The following KIAA0753 variants were observed in gnomAD, a reference collection of about 807,000 sequenced individuals.
KIAA0753 encodes KIAA0753.
KIAA0753 carries 114 observed loss-of-function variants against 116.9 expected under a neutral mutation model. The observed-to-expected ratio is 0.98, with a 90% CI of 0.84 to 1.14. KIAA0753 has a LOEUF of 1.14. KIAA0753 is among the 50% of genes most tolerant of loss of function. KIAA0753 has a pLI of 0.00. For missense variants in KIAA0753, 1,156 were observed against 1,172.4 expected (o/e 0.99, Z 0.20); for synonymous variants, 405 against 413.1 (o/e 0.98, Z 0.24).
intron 12 of KIAA0753, among the ~76,000 whole-genome samples, chr17:6,605,894 C>T (rs1021527852): frequency 2.0e-5 from 3 of 152,100 alleles, no homozygotes; most frequent in African/African-American, 7.2e-5. Flanking sequence ...AGTAAAAACA[C>T]ACAGAGGAAT....
intron 3 of KIAA0753, among the ~76,000 whole-genome samples, chr17:6,625,176 G>A (rs1241573769): frequency 3.3e-5 from 5 of 152,136 alleles, no homozygotes; most frequent in Admixed American, 2.0e-4. Context: ...CTTATATTGA[G>A]CCAAAATCTG....
intron 2 of KIAA0753, among the ~76,000 whole-genome samples, chr17:6,631,661 T>C (rs1033111675): frequency 1.3e-5 from 2 of 152,198 alleles, no homozygotes; most frequent in Non-Finnish European, 2.9e-5. Flanking sequence ...TGTGCATTTA[T>C]GAATGTGTGT....
At chr17:6,589,266 T>A (rs1968811839) in intron 18 of KIAA0753, among the ~76,000 whole-genome samples, 1 of 152,172 alleles carries the variant, frequency 6.6e-6, no homozygotes, top group African/African-American at 2.4e-5. Flanking sequence ...GAGACCACAG[T>A]TCCCTTTCTC....
intron 9 of KIAA0753, among the ~76,000 whole-genome samples, chr17:6,609,168 C>T (rs1970378767): frequency 6.6e-6 from 1 of 152,176 alleles, no homozygotes; most frequent in Non-Finnish European, 1.5e-5. Flanking sequence ...TAGGGGGCTT[C>T]TCTTCCACCA....
At chr17:6,597,714 T>C (rs1054383576) in intron 14 of KIAA0753, among the ~76,000 whole-genome samples, 1 of 152,164 alleles carries the variant, frequency 6.6e-6, no homozygotes, top group African/African-American at 2.4e-5. Context: ...TACAAGAGCT[T>C]TTTCCTGATA....
chr17:6,633,723 C>T (rs1350398214), intron 2 of KIAA0753, among the ~76,000 whole-genome samples: 1 of 152,156 alleles, frequency 6.6e-6, no homozygotes, highest in Non-Finnish European at 1.5e-5. Context: ...GAATAAACTA[C>T]TGATACATGC....
chr17:6,615,124 G>A (rs1357358330), intron 7 of KIAA0753, among the ~76,000 whole-genome samples: 1 of 152,152 alleles, frequency 6.6e-6, no homozygotes, highest in Non-Finnish European at 1.5e-5. Context: ...CAGTAGAGAT[G>A]AGGTTTCACC....
At chr17:6,632,007 C>T (rs1972046176) in intron 2 of KIAA0753, among the ~76,000 whole-genome samples, 1 of 152,144 alleles carries the variant, frequency 6.6e-6, no homozygotes, top group Non-Finnish European at 1.5e-5. Flanking sequence ...CTCGGCCTCC[C>T]AAGTAGCTGA....
chr17:6,594,866 T>C (rs1969351277), intron 16 of KIAA0753, 106 bp downstream of exon 16: 1 of 781,074 alleles, frequency 1.3e-6, no homozygotes, highest in Non-Finnish European at 2.2e-6. Context: ...TTGTAGAATC[T>C]AGAAGGTGAG....
chr17:6,615,443 G>C (rs750679321), intron 7 of KIAA0753, among the ~76,000 whole-genome samples: 1 of 151,774 alleles, frequency 6.6e-6, no homozygotes, highest in Non-Finnish European at 1.5e-5. Context: ...TCCCCTTTAA[G>C]TGAAAAGGTA....
chr17:6,640,164 G>A (rs1045504706), intron 1 of KIAA0753: 2 of 152,634 alleles, frequency 1.3e-5, no homozygotes, highest in Non-Finnish European at 2.9e-5. Context: ...TTGCTCCACG[G>A]CCTCGGGACG....
At chr17:6,582,096 T>C (rs1200558495) in intron 18 of KIAA0753, among the ~76,000 whole-genome samples, 1 of 152,178 alleles carries the variant, frequency 6.6e-6, no homozygotes, top group Non-Finnish European at 1.5e-5. Context: ...AAAAACCATA[T>C]ATTCATCCCA....
chr17:6,599,043 G>T (rs1597492789), intron 14 of KIAA0753, among the ~76,000 whole-genome samples, 194 bp downstream of exon 14: 1 of 152,196 alleles, frequency 6.6e-6, no homozygotes, highest in African/African-American at 2.4e-5. Context: ...TTTGTGCTCT[G>T]TTTGCAGGGC....
chr17:6,595,498 A>C (rs1032837730), intron 15 of KIAA0753, among the ~76,000 whole-genome samples: 3 of 152,178 alleles, frequency 2.0e-5, no homozygotes, highest in Admixed American at 2.0e-4. Context: ...ATCCAAAAAA[A>C]AAAATTGTTT....
intron 2 of KIAA0753, among the ~76,000 whole-genome samples, chr17:6,632,509 A>C (rs1435267285): frequency 1.3e-5 from 2 of 152,164 alleles, no homozygotes; most frequent in Non-Finnish European, 2.9e-5. Flanking sequence ...TTTGCCAACC[A>C]CCATAATAAA....
In KIAA0753 at chr17:6,610,176, A is replaced by T. The variant is rs754643829; in HGVS notation, c.1546-16T>A. 1.2e-6 allele frequency: 2 copies of T among 1,613,508 alleles called. No individual in the cohort carries two copies. The highest frequency in any genetic ancestry group is 2.2e-5 in the South Asian group (2 of 91,048). ...TGCGGAGTCCCTGTGAGAGATAAGT[A>T]AGAATTATAAGGCCACACAAATACC... On this transcript the variant is annotated splice_polypyrimidine_tract_variant and intron_variant, in intron 8 of 18. Transcript: ENST00000361413.
intron 9 of KIAA0753, among the ~76,000 whole-genome samples, chr17:6,608,801 C>T (rs999960624): frequency 1.3e-5 from 2 of 152,128 alleles, no homozygotes; most frequent in Non-Finnish European, 2.9e-5. Context: ...AAGGCAACTC[C>T]GTATCTTTAT....
chr17:6,610,206 A>T, intron 8 of KIAA0753, 46 bp from the exon 9 acceptor site: 1 of 1,589,920 alleles, frequency 6.3e-7, no homozygotes, highest in Non-Finnish European at 8.6e-7. Flanking sequence ...AATACCAAAG[A>T]AACTATGGTT....
chr17:6,582,500 C>T (rs192718503), intron 18 of KIAA0753, among the ~76,000 whole-genome samples: 1 of 152,304 alleles, frequency 6.6e-6, no homozygotes, highest in Admixed American at 6.5e-5. Context: ...TTCACTCCCC[C>T]TCTCCTATTC....
Sources: gnomAD v4.1 joint callset for allele counts (sites outside exome capture counted in the v4.1 genomes callset) on GRCh38, gnomAD v4.1.1 for gene constraint, MANE v1.5 for transcripts, NCBI Gene and HGNC (gene_info 2026-07-23, HGNC 2026-07-21) for gene names.